SPPL3: variants seen among roughly 807,000 people sequenced by gnomAD.
The protein encoded by SPPL3 is signal peptide peptidase-like 3.
Under a neutral mutation model 42.4 loss-of-function variants are expected in SPPL3, and 5 were observed. That is an observed-to-expected ratio of 0.12 (90% CI 0.06 to 0.25). The LOEUF (loss-of-function observed/expected upper bound fraction) is 0.25. Ranked by LOEUF, SPPL3 falls within the 10% of genes least tolerant of loss-of-function variation. The probability of loss-of-function intolerance (pLI) is 1.00; values close to 1 mark genes in which losing one functional copy is unlikely to be tolerated. For synonymous variants in SPPL3, 195 were observed against 181.8 expected, an observed-to-expected ratio of 1.07 and a Z score of -0.58; for missense variants, 235 against 489.0, an observed-to-expected ratio of 0.48 and a Z score of 4.90.
intron 1 of SPPL3, among the ~76,000 whole-genome samples, chr12:120,841,828 C>T (rs1224728688): frequency 6.6e-6 from 1 of 152,168 alleles, no homozygotes; most frequent in Non-Finnish European, 1.5e-5. Context: ...CAATATCTGA[C>T]AAGCTAGCAA....
At position 120,764,902 on chromosome 12, in the gene SPPL3, T is replaced by C; in HGVS notation, c.*97A>G. The C allele has an allele frequency of 7.5e-7, 1 of 1,335,754 alleles. No individual in the cohort carries two copies. Among genetic ancestry groups the C allele is most frequent in the Non-Finnish European group, 1.0e-6 (1 of 965,886 alleles). The allele number at this position is 1,335,754 out of a possible 1,614,324, so 82.7% of individuals were successfully genotyped here. A position where few individuals can be genotyped will look rare whatever the true frequency, so the allele number is the denominator to read the frequency against. ...CACACGGCAGTTCCTTAAACACAGGTACATTTCTGAGTACCAGGCCAGCTC... is the reference window on the plus strand; with the variant it reads ...CACACGGCAGTTCCTTAAACACAGGCACATTTCTGAGTACCAGGCCAGCTC... On this transcript the variant is annotated 3_prime_UTR_variant, in exon 11 of 11. Transcript: ENST00000353487.
chr12:120,851,974 G>C (rs1284907416), intron 1 of SPPL3, among the ~76,000 whole-genome samples: 3 of 152,182 alleles, frequency 2.0e-5, no homozygotes, highest in Non-Finnish European at 4.4e-5. Context: ...GCTTTGCAAA[G>C]ATATGGCATC....
At chr12:120,823,806 T>TG (rs1871153102) in intron 1 of SPPL3, among the ~76,000 whole-genome samples, 1 of 152,192 alleles carries the variant, frequency 6.6e-6, no homozygotes, top group Non-Finnish European at 1.5e-5. Flanking sequence ...AGAAACATAG[T>TG]GGGGTGAATT....
chr12:120,883,722 A>C (rs184506489), intron 1 of SPPL3, among the ~76,000 whole-genome samples: 122 of 152,368 alleles, frequency 8.0e-4, no homozygotes, highest in African/African-American at 2.9e-3. Flanking sequence ...TGACTGAAAA[A>C]AACAAATTAT....
At chr12:120,794,788 C>T (rs1870044034) in intron 2 of SPPL3, among the ~76,000 whole-genome samples, 1 of 152,044 alleles carries the variant, frequency 6.6e-6, no homozygotes, top group Non-Finnish European at 1.5e-5. Context: ...TATTTGTTTC[C>T]TACTTGTCCT....
At chr12:120,847,157 A>G (rs1209251955) in intron 1 of SPPL3, among the ~76,000 whole-genome samples, 1 of 152,214 alleles carries the variant, frequency 6.6e-6, no homozygotes, top group African/African-American at 2.4e-5. Context: ...GAAAAGAGAA[A>G]AAATAAATTC....
intron 1 of SPPL3, among the ~76,000 whole-genome samples, chr12:120,829,372 G>C (rs1004115278): frequency 4.6e-5 from 7 of 152,144 alleles, no homozygotes; most frequent in Admixed American, 2.0e-4. Context: ...ACGGCAGGCG[G>C]ATCACTTGAG....
chr12:120,766,401 C>T, intron 9 of SPPL3, 29 bp from the exon 10 acceptor site: 1 of 1,541,940 alleles, frequency 6.5e-7, no homozygotes, highest in Non-Finnish European at 8.8e-7. Context: ...ATCTGTGAGA[C>T]ACGAGAGGGA....
intron 1 of SPPL3, among the ~76,000 whole-genome samples, chr12:120,825,225 A>C (rs1393353299): frequency 6.6e-6 from 1 of 152,238 alleles, no homozygotes; most frequent in African/African-American, 2.4e-5. Flanking sequence ...AAGTTTTACT[A>C]AATTAATAAT....
intron 1 of SPPL3, among the ~76,000 whole-genome samples, chr12:120,858,492 A>G: frequency 6.6e-6 from 1 of 151,910 alleles, no homozygotes; most frequent in East Asian, 1.9e-4. Flanking sequence ...AAATGACATC[A>G]TATGACGAGG....
intron 2 of SPPL3, among the ~76,000 whole-genome samples, chr12:120,802,207 A>G (rs1156635656): frequency 6.6e-6 from 1 of 151,872 alleles, no homozygotes; most frequent in Non-Finnish European, 1.5e-5. Flanking sequence ...AAGGGGAAAC[A>G]TGGGCTTATA....
At chr12:120,809,556 A>G (rs1461312498) in intron 2 of SPPL3, among the ~76,000 whole-genome samples, 1 of 152,216 alleles carries the variant, frequency 6.6e-6, no homozygotes. Context: ...TTCTCAACTT[A>G]TAATTCCTTG....
chr12:120,769,246 T>C, intron 6 of SPPL3, 187 bp from the exon 7 acceptor site: 1 of 526,494 alleles, frequency 1.9e-6, no homozygotes. Flanking sequence ...TTTGGACTTG[T>C]GGAATTTGGG....
intron 1 of SPPL3, among the ~76,000 whole-genome samples, chr12:120,869,380 TTG>T (rs1198060477): frequency 6.6e-6 from 1 of 152,198 alleles, no homozygotes; most frequent in Non-Finnish European, 1.5e-5. Flanking sequence ...AAAAAATGAT[TTG>T]TGTTTATATG....
chr12:120,874,846 C>T, intron 1 of SPPL3, among the ~76,000 whole-genome samples: 1 of 152,066 alleles, frequency 6.6e-6, no homozygotes, highest in East Asian at 1.9e-4. Flanking sequence ...CCGTAACTGC[C>T]TCCACCTAAA....
chr12:120,766,173 A>AGC, intron 10 of SPPL3, 90 bp downstream of exon 10: 1 of 1,065,798 alleles, frequency 9.4e-7, no homozygotes, highest in Non-Finnish European at 1.3e-6. Flanking sequence ...CAGGGGCTTA[A>AGC]GCAGAATCAC....
At chr12:120,832,060 C>A (rs920772710) in intron 1 of SPPL3, among the ~76,000 whole-genome samples, 1 of 152,216 alleles carries the variant, frequency 6.6e-6, no homozygotes, top group Non-Finnish European at 1.5e-5. Flanking sequence ...ACTGTAAATT[C>A]ATAATAGCAA....
chr12:120,852,224 C>T (rs559388383), intron 1 of SPPL3, among the ~76,000 whole-genome samples: 1 of 151,556 alleles, frequency 6.6e-6, no homozygotes, highest in Non-Finnish European at 1.5e-5. Flanking sequence ...TGGGCTCAGA[C>T]AAATAATTTA....
At chr12:120,790,841 A>AGACG (rs956031479) in intron 3 of SPPL3, among the ~76,000 whole-genome samples, 1 of 132,040 alleles carries the variant, frequency 7.6e-6, no homozygotes. Flanking sequence ...TTTTTTTTTG[A>AGACG]GACGGAGTTT....
Sources: gnomAD v4.1 joint callset for allele counts (sites outside exome capture counted in the v4.1 genomes callset) on GRCh38, gnomAD v4.1.1 for gene constraint, MANE v1.5 for transcripts, NCBI Gene and HGNC (gene_info 2026-07-23, HGNC 2026-07-21) for gene names.